The following WWOX variants were observed in gnomAD, a reference collection of about 807,000 sequenced individuals.
WWOX encodes the protein WW domain-containing oxidoreductase.
A neutral mutation model predicts 46.2 loss-of-function variants in WWOX; 69 were observed. That is an observed-to-expected ratio of 1.49 (90% CI 1.23 to 1.82). The LOEUF (loss-of-function observed/expected upper bound fraction) is 1.82, where lower values mean the gene tolerates loss of function less well. Among genes scored for constraint, WWOX ranks in the 40% most tolerant of loss-of-function variants. The pLI is 0.00. For synonymous variants in WWOX, 359 were observed against 202.6 expected, an observed-to-expected ratio of 1.77 and a Z score of -6.56; for missense variants, 919 against 542.6, an observed-to-expected ratio of 1.69 and a Z score of -6.89.
chr16:78,697,362 A>C (rs115058298), intron 8 of WWOX, among the ~76,000 whole-genome samples: 2,026 of 152,290 alleles, frequency 0.013, 45 homozygotes, highest in African/African-American at 0.047. Context: ...CCATTCTTGC[A>C]GGAGTAAGAT....
intron 8 of WWOX, among the ~76,000 whole-genome samples, chr16:78,751,447 ATATTT>A: frequency 7.7e-6 from 1 of 129,574 alleles, no homozygotes; most frequent in South Asian, 2.5e-4. Flanking sequence ...GATTATATAT[ATATTT>A]ATCAGATTTT....
At chr16:78,200,521 A>C (rs573632397) in intron 5 of WWOX, among the ~76,000 whole-genome samples, 9 of 150,640 alleles carry the variant, frequency 6.0e-5, no homozygotes, top group African/African-American at 1.9e-4. Context: ...TAGAGCATCC[A>C]TTACACCATA....
intron 8 of WWOX, 86 bp from the exon 9 acceptor site, chr16:79,211,522 C>T: frequency 6.3e-7 from 1 of 1,574,808 alleles, no homozygotes; most frequent in Non-Finnish European, 8.7e-7. Flanking sequence ...TGGGGGAGGC[C>T]TGCTAATGCC....
At chr16:78,545,539 T>C (rs986485835) in intron 8 of WWOX, among the ~76,000 whole-genome samples, 1 of 152,178 alleles carries the variant, frequency 6.6e-6, no homozygotes, top group African/African-American at 2.4e-5. Flanking sequence ...TTAAACAAGT[T>C]CAATGTTTTA....
At chr16:78,924,758 C>T (rs2045460336) in intron 8 of WWOX, among the ~76,000 whole-genome samples, 1 of 152,172 alleles carries the variant, frequency 6.6e-6, no homozygotes, top group Non-Finnish European at 1.5e-5. Flanking sequence ...TATATGATGT[C>T]TTCTGTTTAA....
intron 8 of WWOX, among the ~76,000 whole-genome samples, chr16:78,454,846 A>C (rs1429391715): frequency 6.6e-6 from 1 of 152,124 alleles, no homozygotes; most frequent in Non-Finnish European, 1.5e-5. Context: ...CCCAGTTTCA[A>C]TACCAACTGT....
chr16:79,175,217 G>A (rs551406709), intron 8 of WWOX, among the ~76,000 whole-genome samples: 91 of 152,246 alleles, frequency 6.0e-4, no homozygotes, highest in African/African-American at 1.9e-3. Flanking sequence ...TTGAACGAAG[G>A]CATTTGAAAA....
chr16:78,630,510 C>G (rs2046402876), intron 8 of WWOX, among the ~76,000 whole-genome samples: 1 of 152,188 alleles, frequency 6.6e-6, no homozygotes, highest in South Asian at 2.1e-4. Context: ...GTCCCTAATA[C>G]ATTTCTCTGG....
intron 8 of WWOX, among the ~76,000 whole-genome samples, chr16:78,457,178 C>T (rs1015766140): frequency 6.6e-6 from 1 of 152,150 alleles, no homozygotes; most frequent in Non-Finnish European, 1.5e-5. Context: ...TTTCTGTTGT[C>T]TTCATTAATA....
intron 8 of WWOX, among the ~76,000 whole-genome samples, chr16:78,991,627 C>T (rs2151347935): frequency 7.7e-6 from 1 of 130,442 alleles, no homozygotes; most frequent in African/African-American, 2.8e-5. Flanking sequence ...CCAGATTCTC[C>T]ACCTACCAGT....
intron 8 of WWOX, among the ~76,000 whole-genome samples, chr16:78,456,452 A>G (rs1484730225): frequency 2.0e-5 from 3 of 152,212 alleles, no homozygotes; most frequent in Non-Finnish European, 4.4e-5. Flanking sequence ...GATATTTAAG[A>G]TTGAGCACTT....
chr16:78,276,854 T>G (rs1282940723), intron 5 of WWOX, among the ~76,000 whole-genome samples: 6 of 152,174 alleles, frequency 3.9e-5, no homozygotes. Flanking sequence ...CCATTTTTCT[T>G]TGCATCTCCG....
intron 8 of WWOX, among the ~76,000 whole-genome samples, chr16:78,542,305 A>T (rs907830216): frequency 6.6e-6 from 1 of 152,116 alleles, no homozygotes; most frequent in Admixed American, 6.6e-5. Context: ...CTTTGACTCT[A>T]GATGACATGA....
intron 6 of WWOX, among the ~76,000 whole-genome samples, chr16:78,416,975 T>C (rs1411679030): frequency 6.6e-6 from 1 of 151,898 alleles, no homozygotes; most frequent in East Asian, 1.9e-4. Context: ...TTCTGTCCAT[T>C]TCAGGGAGCT....
At chr16:79,208,029 A>T (rs2051577869) in intron 8 of WWOX, among the ~76,000 whole-genome samples, 1 of 152,100 alleles carries the variant, frequency 6.6e-6, no homozygotes. Flanking sequence ...TCTAAATCCC[A>T]CCTTTCTGTA....
chr16:79,149,157 C>A (rs948536269), intron 8 of WWOX, among the ~76,000 whole-genome samples: 1 of 152,098 alleles, frequency 6.6e-6, no homozygotes, highest in African/African-American at 2.4e-5. Flanking sequence ...AAATTTGATG[C>A]TAGCTGTAAA....
At chr16:78,696,904 A>T (rs73571458) in intron 8 of WWOX, among the ~76,000 whole-genome samples, 1 of 152,144 alleles carries the variant, frequency 6.6e-6, no homozygotes, top group East Asian at 1.9e-4. Flanking sequence ...TATAAGTGAA[A>T]ACACACAGTG....
chr16:78,825,112 G>C (rs2051613071), intron 8 of WWOX, among the ~76,000 whole-genome samples: 1 of 152,108 alleles, frequency 6.6e-6, no homozygotes, highest in Non-Finnish European at 1.5e-5. Flanking sequence ...CCGGCACTCG[G>C]GGAGGTCAAG....
rs899662171 is a variant in WWOX, at chr16:78,531,704, T to C, written c.1056+98952T>C. 2.0e-5 allele frequency among the ~76,000 whole-genome samples: 3 copies of C among 151,916 alleles called. No individual in the cohort carries two copies. The East Asian group carries it at 5.8e-4, about 29-fold the overall frequency. ...CTAAAAATACAAAAATTTTTTTGTA[T>C]TTTGGGATTCGGTTTAGGTGATGTG... is the stretch of plus-strand genomic sequence containing the variant. On this transcript the variant is annotated intron_variant, in intron 8 of 8. Transcript: ENST00000566780.
Sources: gnomAD v4.1 joint callset for allele counts (sites outside exome capture counted in the v4.1 genomes callset) on GRCh38, gnomAD v4.1.1 for gene constraint, MANE v1.5 for transcripts, NCBI Gene and HGNC (gene_info 2026-07-23, HGNC 2026-07-21) for gene names.